The following PFKFB3 variants were observed in gnomAD, a reference collection of about 807,000 sequenced individuals.
PFKFB3 encodes 6-phosphofructo-2-kinase/fructose-2,6-biphosphatase 3.
PFKFB3 carries 33 observed loss-of-function variants against 68.0 expected under a neutral mutation model. The observed-to-expected ratio is 0.49, with a 90% CI of 0.37 to 0.65. The LOEUF is 0.65. PFKFB3 is among the 30% of genes least tolerant of loss of function. The pLI is 0.00. For synonymous variants in PFKFB3, 315 were observed against 288.2 expected (o/e 1.09, Z -0.94); for missense variants, 586 against 712.2 (o/e 0.82, Z 2.02).
At chr10:6,202,901 C>T (rs1588463855), upstream of PFKFB3, 2 of 1,149,390 alleles carry the variant, frequency 1.7e-6, no homozygotes, top group African/African-American at 3.3e-5. Flanking sequence ...AGCCCGGACT[C>T]TTTAAAAGCC....
intron 1 of PFKFB3, among the ~76,000 whole-genome samples, chr10:6,146,982 G>A (rs1036178982): frequency 1.2e-4 from 18 of 152,202 alleles, no homozygotes; most frequent in African/African-American, 4.1e-4. Flanking sequence ...TGCGTTTCCC[G>A]GTCACCCTGG....
intron 6 of PFKFB3, 101 bp downstream of exon 6, chr10:6,217,292 T>C: frequency 9.4e-7 from 1 of 1,061,082 alleles, no homozygotes; most frequent in East Asian, 2.4e-5. Context: ...GAAGCGCAGC[T>C]GAGCCCTTAG....
At chr10:6,297,069 G>C in the PFKFB3 span, among the ~76,000 whole-genome samples, 2 of 152,194 alleles carry the variant, frequency 1.3e-5, no homozygotes, top group African/African-American at 2.4e-5. Context: ...ACAATCTTGA[G>C]GTAGAATCTG....
chr10:6,205,527 G>A (rs1239853336), intron 1 of PFKFB3, among the ~76,000 whole-genome samples: 1 of 151,582 alleles, frequency 6.6e-6, no homozygotes, highest in East Asian at 2.0e-4. Flanking sequence ...CGAGAAGCTG[G>A]GATTACAGGC....
the PFKFB3 span, among the ~76,000 whole-genome samples, chr10:6,312,762 A>G: frequency 6.6e-6 from 1 of 152,208 alleles, no homozygotes; most frequent in African/African-American, 2.4e-5. Context: ...CCGACTGCTC[A>G]CAGTCAACTT....
Position 6,246,652 on chromosome 10 carries a change from A to G in PFKFB3, c.1516-7526A>G, listed in dbSNP as rs117943772. Among the ~76,000 whole-genome samples the G allele has an allele frequency of 9.2e-3, 1,396 of 152,072 alleles. 25 individuals carry two copies. Among genetic ancestry groups the G allele is most frequent in the East Asian group, 0.062 (322 of 5,178 alleles). On this transcript the variant is annotated intron_variant, in intron 14 of 14. Transcript: ENST00000640683. Reference sequence around the variant, plus strand: ...CCACTGCGCCCGGCCTATTTTATGTATTATTTATATATTAATATTTTTAAA... The same window carrying G: ...CCACTGCGCCCGGCCTATTTTATGTGTTATTTATATATTAATATTTTTAAA...
At chr10:6,273,060 G>A in the PFKFB3 span, among the ~76,000 whole-genome samples, 1 of 138,272 alleles carries the variant, frequency 7.2e-6, no homozygotes, top group Non-Finnish European at 1.5e-5. Context: ...AGGCTGGAGT[G>A]CAGTGGCATG....
chr10:6,232,812 G>A (rs550269179), intron 14 of PFKFB3, 83 bp from the exon 15 acceptor site: 6 of 1,055,864 alleles, frequency 5.7e-6, no homozygotes, highest in Non-Finnish European at 8.7e-6. Flanking sequence ...ATTCTCCGTT[G>A]CATGGCTCGC....
chr10:6,230,930 C>T (rs1362915167), intron 14 of PFKFB3, among the ~76,000 whole-genome samples: 9 of 151,942 alleles, frequency 5.9e-5, no homozygotes, highest in East Asian at 5.8e-4. Context: ...TGGCCAGGCT[C>T]GTCTCAAACT....
rs529886918 is a variant in PFKFB3 at position 6,196,976 on chromosome 10, C to CTTA, written c.17-16626_17-16624dup. On this transcript the variant is annotated intron_variant, in intron 1 of 14. Coordinates refer to the PFKFB3 transcript ENST00000379789. ...TCTTTTATACTGCATTTTTACTGTA[C>CTTA]TTATTATTATTATTATTATTATTTT... Among the ~76,000 whole-genome samples the CTTA allele has an allele frequency of 8.8e-3, 1,307 of 148,486 alleles. 11 individuals are homozygous for CTTA. Among genetic ancestry groups the CTTA allele is most frequent in the Non-Finnish European group, 0.013 (859 of 67,770 alleles).
chr10:6,278,691 C>A, the PFKFB3 span, among the ~76,000 whole-genome samples: 2 of 152,206 alleles, frequency 1.3e-5, no homozygotes, highest in Non-Finnish European at 2.9e-5. Context: ...AAAGTGGATA[C>A]TAACTTCTAG....
At chr10:6,224,827 T>A (rs1467604495) in intron 13 of PFKFB3, among the ~76,000 whole-genome samples, 2 of 152,160 alleles carry the variant, frequency 1.3e-5, no homozygotes, top group Non-Finnish European at 2.9e-5. Flanking sequence ...TCTTGTTGCC[T>A]TTCCTTTCTG....
chr10:6,221,946 GTGTTTCCCTAGGGACATAGAACTATA>G (rs1844993265), intron 10 of PFKFB3, among the ~76,000 whole-genome samples: 2 of 152,298 alleles, frequency 1.3e-5, no homozygotes, highest in African/African-American at 4.8e-5. Context: ...GAAGTGAGAT[GTGTTTCCCTAGGGACATAGAACTATA>G]TGGGAGAGGA....
intron 14 of PFKFB3, among the ~76,000 whole-genome samples, chr10:6,227,013 G>C (rs1430184673): frequency 2.0e-5 from 3 of 152,074 alleles, no homozygotes; most frequent in Non-Finnish European, 2.9e-5. Flanking sequence ...TTGAACCCAG[G>C]AGGCGGAGGT....
chr10:6,299,482 C>T, the PFKFB3 span, among the ~76,000 whole-genome samples: 2 of 152,146 alleles, frequency 1.3e-5, no homozygotes, highest in Non-Finnish European at 2.9e-5. Context: ...GTCAGTGTGC[C>T]GTGAGTCACA....
At chr10:6,210,060 A>T (rs1446528603) in intron 1 of PFKFB3, among the ~76,000 whole-genome samples, 4 of 75,392 alleles carry the variant, frequency 5.3e-5, no homozygotes, top group African/African-American at 1.3e-4. Flanking sequence ...CCTAATACTT[A>T]TCTTTTCTAA....
intron 6 of PFKFB3, among the ~76,000 whole-genome samples, chr10:6,217,393 C>T (rs1175033497): frequency 2.0e-5 from 3 of 152,196 alleles, no homozygotes; most frequent in African/African-American, 7.2e-5. Context: ...GGACTAGCTC[C>T]ATCCAGGGCA....
the PFKFB3 span, among the ~76,000 whole-genome samples, chr10:6,267,135 A>G: frequency 6.6e-6 from 1 of 152,246 alleles, no homozygotes; most frequent in African/African-American, 2.4e-5. Flanking sequence ...ACAATTTTAC[A>G]TGCAAACATA....
chr10:6,215,375 A>G lies in PFKFB3; in HGVS notation c.299+58A>G, dbSNP rs1229783614. ...GTGGGAATAAGGCTGGGCCGCGGGC[A>G]TAAGGCTGGGCTGCAGGAGTAAGGC... On this transcript the variant is annotated intron_variant, in intron 3 of 14. Transcript: ENST00000379775. This position sits in a 1 kb window ranked among gnomAD's most constrained non-coding sequence, Gnocchi z 4.3. The G allele has an allele frequency of 8.3e-6, 11 of 1,329,806 alleles. No homozygotes were observed. The highest frequency in any genetic ancestry group is 9.7e-6 in the Non-Finnish European group (9 of 932,514). 82.4% of individuals were successfully genotyped at this position (1,329,806 alleles called of 1,614,324 possible).
Sources: gnomAD v4.1 joint callset for allele counts (sites outside exome capture counted in the v4.1 genomes callset) on GRCh38, gnomAD v4.1.1 for gene constraint, Gnocchi (gnomAD v3.1) non-coding constraint, MANE v1.5 for transcripts, NCBI Gene and HGNC (gene_info 2026-07-23, HGNC 2026-07-21) for gene names.